CDH7: variants seen among roughly 807,000 people sequenced by gnomAD.
CDH7 encodes cadherin 7.
In CDH7, 25 loss-of-function variants were observed where a neutral mutation model predicts 71.8. The ratio of observed to expected loss-of-function variants is 0.35; its 90% CI spans 0.25 to 0.49. The LOEUF is 0.49. CDH7 is among the 20% of genes least tolerant of loss of function. The pLI is 0.99. For synonymous variants in CDH7, 381 were observed against 363.8 expected, an observed-to-expected ratio of 1.05 and a Z score of -0.54; for missense variants, 862 against 974.6, an observed-to-expected ratio of 0.88 and a Z score of 1.54.
intron 1 of CDH7, among the ~76,000 whole-genome samples, chr18:65,752,523 T>A (rs1263007417): frequency 6.6e-6 from 1 of 152,218 alleles, no homozygotes; most frequent in Non-Finnish European, 1.5e-5. Context: ...AAAGAACTAG[T>A]TAGACTTTGG....
chr18:65,789,407 A>T (rs780417846), intron 2 of CDH7, among the ~76,000 whole-genome samples: 1 of 152,186 alleles, frequency 6.6e-6, no homozygotes, highest in Admixed American at 6.5e-5. Context: ...AGGACAAATA[A>T]AAACCAAGAC....
At chr18:65,803,613 T>C (rs1911202785) in intron 2 of CDH7, 1 of 152,114 alleles carries the variant, frequency 6.6e-6, no homozygotes. Flanking sequence ...ATTCAACAGC[T>C]TGATAATTGC....
intron 6 of CDH7, among the ~76,000 whole-genome samples, chr18:65,828,381 T>G (rs1912209516): frequency 6.6e-6 from 1 of 152,156 alleles, no homozygotes; most frequent in Non-Finnish European, 1.5e-5. Flanking sequence ...GAGTTTTAAC[T>G]GAGTGAGTCC....
At chr18:65,796,374 G>A (rs1162441845) in intron 2 of CDH7, among the ~76,000 whole-genome samples, 1 of 152,016 alleles carries the variant, frequency 6.6e-6, no homozygotes, top group Non-Finnish European at 1.5e-5. Context: ...CTTTCCCAAG[G>A]TGGCATAAGT....
intron 7 of CDH7, among the ~76,000 whole-genome samples, chr18:65,846,641 G>C (rs928546936): frequency 6.6e-6 from 1 of 152,014 alleles, no homozygotes; most frequent in East Asian, 1.9e-4. Flanking sequence ...TAAGAGGCCA[G>C]TCTCCTTATT....
chr18:65,814,062 T>A (rs1211519104), intron 3 of CDH7, among the ~76,000 whole-genome samples: 1 of 152,190 alleles, frequency 6.6e-6, no homozygotes, highest in Non-Finnish European at 1.5e-5. Flanking sequence ...GACAGTTGTA[T>A]ACCTGCAATT....
chr18:65,765,149 G>A (rs1916315672), intron 2 of CDH7, among the ~76,000 whole-genome samples: 1 of 151,986 alleles, frequency 6.6e-6, no homozygotes, highest in Non-Finnish European at 1.5e-5. Flanking sequence ...ATAGTAAATT[G>A]TCCAGGATGG....
chr18:65,825,683 A>G (rs1006474019), intron 6 of CDH7, among the ~76,000 whole-genome samples: 2 of 151,830 alleles, frequency 1.3e-5, no homozygotes, highest in Non-Finnish European at 1.5e-5. Flanking sequence ...ACTTTTCAAT[A>G]ATTAGCACAT....
In CDH7 at chr18:65,890,292, G is replaced by C. The variant is rs1465278050; in HGVS notation, c.*9398G>C. ...AAAATGTGTGGCACACCTATGAAAA[G>C]TGATCAGGATGCCCAAGCAATTTTA... On this transcript the variant is annotated 3_prime_UTR_variant, in exon 12 of 12. Transcript: ENST00000397968. 6.6e-6 allele frequency: 1 copy of C among 152,174 alleles called. No individual in the cohort carries two copies. The highest frequency in any genetic ancestry group is 1.5e-5 in the Non-Finnish European group (1 of 68,044). The allele number at this position is 152,174 out of a possible 1,614,324, so 9.4% of individuals were successfully genotyped here.
At chr18:65,876,726 G>A (rs948677542) in intron 11 of CDH7, among the ~76,000 whole-genome samples, 11 of 152,064 alleles carry the variant, frequency 7.2e-5, no homozygotes, top group Non-Finnish European at 1.6e-4. Flanking sequence ...TTATTTTAAT[G>A]TTTGGATCAA....
At chr18:65,769,941 A>G (rs1261162726) in intron 2 of CDH7, among the ~76,000 whole-genome samples, 1 of 152,120 alleles carries the variant, frequency 6.6e-6, no homozygotes, top group Non-Finnish European at 1.5e-5. Flanking sequence ...AGGTTCCTTC[A>G]CGGAATGAAC....
At chr18:65,765,806 T>C (rs1020973043) in intron 2 of CDH7, among the ~76,000 whole-genome samples, 1 of 152,130 alleles carries the variant, frequency 6.6e-6, no homozygotes, top group Non-Finnish European at 1.5e-5. Flanking sequence ...TCTACCACTT[T>C]CTACTAGTTG....
chr18:65,867,957 T>G (rs368350707), intron 11 of CDH7, among the ~76,000 whole-genome samples: 10 of 152,362 alleles, frequency 6.6e-5, no homozygotes, highest in African/African-American at 2.4e-4. Flanking sequence ...TCCCAAGTAC[T>G]AAACTATATT....
chr18:65,877,848 T>G (rs1273925229), intron 11 of CDH7, among the ~76,000 whole-genome samples: 1 of 152,222 alleles, frequency 6.6e-6, no homozygotes, highest in Non-Finnish European at 1.5e-5. Flanking sequence ...TATTCATCCA[T>G]GTATTTTAAA....
intron 7 of CDH7, among the ~76,000 whole-genome samples, chr18:65,851,688 G>T (rs1913155915): frequency 6.6e-6 from 1 of 152,180 alleles, no homozygotes; most frequent in Non-Finnish European, 1.5e-5. Context: ...GATCTTACAT[G>T]AAAACTCATT....
At chr18:65,795,859 C>T (rs1480814511) in intron 2 of CDH7, among the ~76,000 whole-genome samples, 2 of 152,112 alleles carry the variant, frequency 1.3e-5, no homozygotes, top group Non-Finnish European at 2.9e-5. Flanking sequence ...GCAGTTCCCC[C>T]ATGCTGTTCT....
intron 2 of CDH7, among the ~76,000 whole-genome samples, chr18:65,806,658 A>ATGTGTG (rs60116919): frequency 1.1e-4 from 16 of 150,526 alleles, no homozygotes; most frequent in Non-Finnish European, 1.8e-4. Flanking sequence ...GTGTCCATGC[A>ATGTGTG]TGTGTGTGTG....
intron 2 of CDH7, among the ~76,000 whole-genome samples, chr18:65,764,894 A>G (rs769362909): frequency 4.6e-5 from 7 of 152,182 alleles, no homozygotes; most frequent in Non-Finnish European, 8.8e-5. Context: ...TAAAACTCCT[A>G]TAAGTCAATT....
chr18:65,886,711 G>A lies in CDH7; in HGVS notation c.*5817G>A, dbSNP rs1158812034. 1 of 152,056 alleles carries A rather than the reference G, an allele frequency of 6.6e-6. No homozygotes were observed. The highest frequency in any genetic ancestry group is 1.5e-5 in the Non-Finnish European group (1 of 67,988). 9.4% of individuals were successfully genotyped at this position (152,056 alleles called of 1,614,324 possible). A position where few individuals can be genotyped will look rare whatever the true frequency, so the allele number is the denominator to read the frequency against. On this transcript the variant is annotated 3_prime_UTR_variant, in exon 12 of 12. Transcript: ENST00000397968. The stretch of plus-strand genomic sequence containing the variant: ...GAATACAATACTTTTTAAAGTCACA[G>A]TGACATATGTGTAATTAATAATTTA...
Sources: gnomAD v4.1 joint callset for allele counts (sites outside exome capture counted in the v4.1 genomes callset) on GRCh38, gnomAD v4.1.1 for gene constraint, MANE v1.5 for transcripts, NCBI Gene and HGNC (gene_info 2026-07-23, HGNC 2026-07-21) for gene names.